FGF12: variants seen among roughly 807,000 people sequenced by gnomAD.
FGF12 encodes fibroblast growth factor 12, also known as fibroblast growth factor 12B.
Under a neutral mutation model 23.6 loss-of-function variants are expected in FGF12, and 14 were observed. The ratio of observed to expected loss-of-function variants is 0.59; its 90% confidence interval spans 0.39 to 0.93. The LOEUF is 0.93. Ranked by LOEUF, FGF12 falls within the 40% of genes least tolerant of loss-of-function variation. FGF12 has a pLI of 0.00. For synonymous variants in FGF12, 62 were observed against 77.3 expected (o/e 0.80, Z 1.04); for missense variants, 175 against 217.8 (o/e 0.80, Z 1.24).
chr3:192,503,590 T>G (rs979909502), intron 2 of FGF12, among the ~76,000 whole-genome samples: 38 of 109,866 alleles, frequency 3.5e-4, no homozygotes, highest in African/African-American at 1.0e-3. Context: ...TTTTTTTTGG[T>G]GTGTGTGTGT....
intron 4 of FGF12, among the ~76,000 whole-genome samples, chr3:192,208,536 T>C (rs970780336): frequency 6.6e-6 from 1 of 152,214 alleles, no homozygotes; most frequent in African/African-American, 2.4e-5. Context: ...GGATATTTTA[T>C]ATATATACAC....
At chr3:192,397,269 T>C (rs543417783) in intron 2 of FGF12, among the ~76,000 whole-genome samples, 2 of 152,286 alleles carry the variant, frequency 1.3e-5, no homozygotes, top group African/African-American at 2.4e-5. Flanking sequence ...CAGAGGATAA[T>C]GGCCCAGGGA....
chr3:192,647,642 A>G (rs953886875), intron 2 of FGF12, among the ~76,000 whole-genome samples: 36 of 150,864 alleles, frequency 2.4e-4, no homozygotes, highest in African/African-American at 7.3e-4. Flanking sequence ...ATAGCTTAAC[A>G]CATTTATTAT....
chr3:192,469,706 C>CA (rs1393500330), intron 2 of FGF12, among the ~76,000 whole-genome samples: 2 of 152,294 alleles, frequency 1.3e-5, no homozygotes, highest in African/African-American at 4.8e-5. Context: ...ACCGTCCCCA[C>CA]AATGTTTGTA....
chr3:192,408,618 C>T lies in FGF12; in HGVS notation c.14-48080G>A, dbSNP rs1448631311. On this transcript the variant is annotated intron_variant, in intron 2 of 5. Transcript: ENST00000445105. The surrounding 1 kb of genome is among the most constrained non-coding windows in gnomAD (Gnocchi z 7.3). ...AGGGGAAGAACGATGCCCAAAATAA[C>T]AAGACGTGCCTCTGTTGGAGAGGCG... The T allele has an allele frequency of 9.6e-7, 1 of 1,040,306 alleles. No individual in the cohort carries two copies. The highest frequency in any genetic ancestry group is 1.7e-5 in the African/African-American group (1 of 58,790). The allele number at this position is 1,040,306 out of a possible 1,614,324, so 64.4% of individuals were successfully genotyped here.
In FGF12 at chr3:192,336,724, C is replaced by T. The variant is rs992505396; in HGVS notation, c.125-1260G>A. 2.6e-5 allele frequency among the ~76,000 whole-genome samples: 4 copies of T among 152,090 alleles called. No individual in the cohort carries two copies. In the East Asian group the frequency reaches 7.7e-4, roughly 29 times the overall value. On this transcript the variant is annotated intron_variant, in intron 3 of 5. Coordinates refer to ENST00000445105, the MANE Select transcript of FGF12 (RefSeq NM_004113.6). The surrounding 1 kb of genome is among the most constrained non-coding windows in gnomAD (Gnocchi z 4.3). ...AGATACACATAAATTAACCCAAGGGCTACCATTATTTAGGGATGCCTCTAT... is the reference window on the plus strand; with the variant it reads ...AGATACACATAAATTAACCCAAGGGTTACCATTATTTAGGGATGCCTCTAT...
chr3:192,719,047 C>A (rs1036329607), intron 2 of FGF12, among the ~76,000 whole-genome samples: 4 of 150,582 alleles, frequency 2.7e-5, no homozygotes, highest in African/African-American at 7.3e-5. Context: ...AATAGAAGAA[C>A]GAGAACCTGA....
intron 2 of FGF12, among the ~76,000 whole-genome samples, chr3:192,458,856 C>T (rs1341080286): frequency 1.3e-5 from 2 of 152,078 alleles, no homozygotes; most frequent in Admixed American, 1.3e-4. Flanking sequence ...GAATTGTATC[C>T]CCACAATTCC....
intron 2 of FGF12, among the ~76,000 whole-genome samples, chr3:192,696,153 CT>C (rs66508726): frequency 0.031 from 4,316 of 140,686 alleles, 162 homozygotes; most frequent in African/African-American, 0.1. Context: ...CTAAGCTCAG[CT>C]TTTTTTTTTT....
At chr3:192,638,390 A>T (rs1715662679) in intron 2 of FGF12, among the ~76,000 whole-genome samples, 1 of 152,202 alleles carries the variant, frequency 6.6e-6, no homozygotes, top group Non-Finnish European at 1.5e-5. Context: ...TGATGATGTT[A>T]CTTAAATACT....
intron 2 of FGF12, among the ~76,000 whole-genome samples, chr3:192,564,759 A>C (rs2108597448): frequency 6.6e-6 from 1 of 152,310 alleles, no homozygotes; most frequent in East Asian, 1.9e-4. Context: ...TGGGTTTGGA[A>C]TTTTTTAAAT....
intron 4 of FGF12, among the ~76,000 whole-genome samples, chr3:192,297,715 A>G (rs1322198154): frequency 2.6e-5 from 4 of 152,234 alleles, no homozygotes; most frequent in South Asian, 2.1e-4. Context: ...AATGGTTTGG[A>G]TAAGTTCAAA....
intron 5 of FGF12, among the ~76,000 whole-genome samples, chr3:192,166,870 T>C (rs898621174): frequency 1.3e-5 from 2 of 152,088 alleles, no homozygotes; most frequent in Non-Finnish European, 2.9e-5. Flanking sequence ...CATCATATTC[T>C]ATATGCTTCA....
chr3:192,379,619 G>A (rs187323732), intron 2 of FGF12, among the ~76,000 whole-genome samples: 19 of 152,248 alleles, frequency 1.2e-4, no homozygotes, highest in African/African-American at 4.6e-4. Context: ...TCACATATAC[G>A]CGTGCACACA....
chr3:192,633,352 C>T (rs1349361113), intron 2 of FGF12, among the ~76,000 whole-genome samples: 4 of 151,994 alleles, frequency 2.6e-5, no homozygotes, highest in Non-Finnish European at 2.9e-5. Flanking sequence ...GGCCTCTCCT[C>T]GTCTTATCAA....
intron 4 of FGF12, among the ~76,000 whole-genome samples, chr3:192,318,701 C>G (rs1716370507): frequency 6.6e-6 from 1 of 151,774 alleles, no homozygotes; most frequent in Admixed American, 6.6e-5. Context: ...ACTTCACAAA[C>G]CTAGAGAAAG....
intron 2 of FGF12, among the ~76,000 whole-genome samples, chr3:192,402,912 C>T (rs1223384189): frequency 1.3e-5 from 2 of 152,148 alleles, no homozygotes; most frequent in Non-Finnish European, 2.9e-5. Context: ...TTCTGTAATT[C>T]CATGAGTAAG....
At chr3:192,503,463 T>C (rs1724192456) in intron 2 of FGF12, among the ~76,000 whole-genome samples, 2 of 152,160 alleles carry the variant, frequency 1.3e-5, no homozygotes, top group Admixed American at 1.3e-4. Flanking sequence ...AAGTTATATG[T>C]TACAGCCAAA....
At chr3:192,366,705 G>A (rs1168474098) in intron 2 of FGF12, among the ~76,000 whole-genome samples, 1 of 152,136 alleles carries the variant, frequency 6.6e-6, no homozygotes, top group Non-Finnish European at 1.5e-5. Context: ...CAAATAAAGA[G>A]GGTATAAATG....
Sources: gnomAD v4.1 joint callset for allele counts (sites outside exome capture counted in the v4.1 genomes callset) on GRCh38, gnomAD v4.1.1 for gene constraint, Gnocchi (gnomAD v3.1) non-coding constraint, MANE v1.5 for transcripts, NCBI Gene and HGNC (gene_info 2026-07-23, HGNC 2026-07-21) for gene names.